The following SMYD2 variants were observed in gnomAD, a reference collection of about 807,000 sequenced individuals.
SMYD2 encodes N-lysine methyltransferase SMYD2.
A neutral mutation model predicts 59.1 loss-of-function variants in SMYD2; 53 were observed. The observed-to-expected ratio is 0.90, with a 90% CI of 0.72 to 1.13. The LOEUF (loss-of-function observed/expected upper bound fraction) is 1.13. SMYD2 is among the 50% of genes most tolerant of loss of function. SMYD2 has a pLI of 0.00. For synonymous variants in SMYD2, 208 were observed against 198.8 expected, an observed-to-expected ratio of 1.05 and a Z score of -0.39; for missense variants, 494 against 544.7, an observed-to-expected ratio of 0.91 and a Z score of 0.93.
intron 2 of SMYD2, among the ~76,000 whole-genome samples, chr1:214,307,799 G>A (rs569483640): frequency 6.6e-6 from 1 of 152,290 alleles, no homozygotes; most frequent in South Asian, 2.1e-4. Context: ...GTGCAATGAG[G>A]GGTGTCCTCC....
intron 1 of SMYD2, among the ~76,000 whole-genome samples, chr1:214,292,121 A>AGAGAGAGAGAGAGAGAGAGAGAGAGAGAG (rs1553254071): frequency 6.8e-6 from 1 of 146,616 alleles, no homozygotes; most frequent in African/African-American, 2.5e-5. Flanking sequence ...AGAGAGAGAG[A>AGAGAGAGAGAGAGAGAGAGAGAGAGAGAG]AGCCCACCTC....
intron 6 of SMYD2, among the ~76,000 whole-genome samples, chr1:214,325,340 C>T (rs1199133540): frequency 1.3e-5 from 2 of 152,242 alleles, no homozygotes; most frequent in Non-Finnish European, 2.9e-5. Flanking sequence ...TTGTCTGTCT[C>T]ATGGAGTGAG....
chr1:214,294,353 T>G (rs1656689172), intron 1 of SMYD2, among the ~76,000 whole-genome samples: 1 of 152,208 alleles, frequency 6.6e-6, no homozygotes, highest in African/African-American at 2.4e-5. Context: ...CTTAAAATTC[T>G]TCTGTAGGCA....
chr1:214,331,167 T>C (rs2102479203), intron 9 of SMYD2, 97 bp downstream of exon 9: 4 of 1,547,788 alleles, frequency 2.6e-6, no homozygotes, highest in Middle Eastern at 1.7e-4. Flanking sequence ...GGATTTAAGA[T>C]TCTGAAAACC....
At chr1:214,311,093 G>A (rs989817054) in intron 2 of SMYD2, among the ~76,000 whole-genome samples, 4 of 152,140 alleles carry the variant, frequency 2.6e-5, no homozygotes, top group African/African-American at 7.2e-5. Flanking sequence ...TGCTATGAGC[G>A]GGACTGTATT....
chr1:214,322,937 A>G (rs1657196120), intron 5 of SMYD2, among the ~76,000 whole-genome samples: 1 of 152,204 alleles, frequency 6.6e-6, no homozygotes, highest in Non-Finnish European at 1.5e-5. Flanking sequence ...TACAAAGCCC[A>G]TCTGTTGGCC....
chr1:214,283,224 G>A (rs1198878163), intron 1 of SMYD2, among the ~76,000 whole-genome samples: 2 of 152,198 alleles, frequency 1.3e-5, no homozygotes, highest in African/African-American at 4.8e-5. Flanking sequence ...ATGGTCAGAT[G>A]CAAGTTCACA....
chr1:214,332,239 G>C (rs1246828435), intron 10 of SMYD2, 47 bp downstream of exon 10: 1 of 1,600,510 alleles, frequency 6.2e-7, no homozygotes, highest in East Asian at 2.2e-5. Flanking sequence ...GAATTTGGTT[G>C]TTTAGAATGT....
At chr1:214,327,582 A>C in intron 6 of SMYD2, 40 bp from the exon 7 acceptor site, 10 of 1,502,756 alleles carry the variant, frequency 6.7e-6, no homozygotes, top group Non-Finnish European at 9.3e-6. Flanking sequence ...CAGTCTGCCT[A>C]TCTCATTTTA....
intron 1 of SMYD2, among the ~76,000 whole-genome samples, chr1:214,284,122 CTAA>C (rs1210395175): frequency 6.6e-6 from 1 of 151,966 alleles, no homozygotes; most frequent in Non-Finnish European, 1.5e-5. Flanking sequence ...AAGGCAGCTC[CTAA>C]TAATATTATA....
chr1:214,315,067 G>A (rs1342949867), intron 3 of SMYD2, among the ~76,000 whole-genome samples, 195 bp downstream of exon 3: 1 of 152,146 alleles, frequency 6.6e-6, no homozygotes, highest in Non-Finnish European at 1.5e-5. Flanking sequence ...TGTGCAATTA[G>A]GATGTTGCTT....
rs1046709986 is a variant in SMYD2, at chr1:214,324,662, A to G, written c.556A>G (p.Ile186Val). The change falls in exon 6 of 12, where the codon ATT (isoleucine) becomes GTT (valine). Residue 186 changes from isoleucine (I) to valine (V), a missense_variant. Ile to Val is a conservative substitution (Grantham distance 29, BLOSUM62 3). Transcript: ENST00000366957. ...GCAGGTTAACTGTAATGGCTTCACA[A>G]TTGAAGATGAAGAACTTTCTCATTT... ...FAQVNCNGFT[I>V]EDEELSHLGS... 5.0e-6 allele frequency: 8 copies of G among 1,613,346 alleles called. No individual in the cohort carries two copies. Among genetic ancestry groups the G allele is most frequent in the Non-Finnish European group, 6.8e-6 (8 of 1,179,736 alleles).
chr1:214,336,412 G>T (rs908891507), intron 11 of SMYD2, among the ~76,000 whole-genome samples: 1 of 152,102 alleles, frequency 6.6e-6, no homozygotes, highest in African/African-American at 2.4e-5. Context: ...GGCGCCTGTG[G>T]TCCCAGCTAC....
Position 214,281,271 on chromosome 1 carries a change from T to G in SMYD2, c.17T>G (p.Leu6Arg), listed in dbSNP as rs754583820. The G allele has an allele frequency of 2.3e-5, 29 of 1,281,930 alleles. No individual in the cohort carries two copies. The highest frequency in any genetic ancestry group is 3.1e-5 in the East Asian group (1 of 31,874). 79.4% of individuals were successfully genotyped at this position (1,281,930 alleles called of 1,614,324 possible). The change falls in exon 1 of 12, where the codon CTC becomes CGC. Residue 6 changes from leucine to arginine, a missense_variant. Transcript: ENST00000366957. The part of the protein sequence containing the change: MRAEG[L>R]GGLERFCSPG... The stretch of plus-strand genomic sequence containing the variant: ...GCCGCCACCATGAGGGCCGAGGGCC[T>G]CGGCGGCCTGGAGCGCTTCTGCAGC...
rs1376666063 is a variant in SMYD2, at chr1:214,281,516, C to T, written c.173+89C>T. ...GCGGCGCCAGGAAGTGCGTGCGGCT[C>T]GCGGGGTCCTAGCGCCGGCCCTTGG... On this transcript the variant is annotated intron_variant, in intron 1 of 11. Transcript: ENST00000366957. 3 of 1,130,850 alleles carry T rather than the reference C, an allele frequency of 2.7e-6. No individual in the cohort carries two copies. In the African/African-American group the frequency reaches 5.0e-5, roughly 19 times the overall value. 70.1% of individuals were successfully genotyped at this position (1,130,850 alleles called of 1,614,324 possible).
At chr1:214,294,229 G>C (rs555290187) in intron 1 of SMYD2, among the ~76,000 whole-genome samples, 33 of 152,208 alleles carry the variant, frequency 2.2e-4, no homozygotes, top group Non-Finnish European at 4.0e-4. Context: ...ATCAGTTTAA[G>C]TTTTCAAGGT....
At chr1:214,293,349 C>T (rs1042892938) in intron 1 of SMYD2, among the ~76,000 whole-genome samples, 7 of 152,042 alleles carry the variant, frequency 4.6e-5, no homozygotes, top group African/African-American at 9.7e-5. Flanking sequence ...CCACCGCACC[C>T]GGTCCAAAGC....
At chr1:214,300,298 C>G (rs1394970738) in intron 1 of SMYD2, among the ~76,000 whole-genome samples, 1 of 152,070 alleles carries the variant, frequency 6.6e-6, no homozygotes, top group African/African-American at 2.4e-5. Context: ...TTGGACTCTC[C>G]CAGGATCTGT....
Position 214,332,134 on chromosome 1 carries a change from T to C in SMYD2, c.1054T>C (p.Tyr352His). 1 of 1,614,150 alleles carries C rather than the reference T, an allele frequency of 6.2e-7. No individual in the cohort carries two copies. Among genetic ancestry groups the C allele is most frequent in the Non-Finnish European group, 8.5e-7 (1 of 1,180,036 alleles). ...GTACCAGGCCATGGGTGTCTGCTTG[T>C]ACATGCAGGACTGGGAAGGAGCCCT... ...MMYQAMGVCLYMQDWEGALQY... is the reference protein window; with the variant it reads ...MMYQAMGVCLHMQDWEGALQY... Residue 352 changes from tyrosine (Y) to histidine (H), a missense_variant, in exon 10 of 12, where the codon TAC becomes CAC. Tyr to His is a moderately conservative substitution (Grantham distance 83). Transcript: ENST00000366957.
Sources: allele counts gnomAD v4.1 joint callset (sites outside exome capture counted in the v4.1 genomes callset), GRCh38; gene constraint gnomAD v4.1.1; transcripts MANE v1.5; gene names NCBI Gene and HGNC (gene_info 2026-07-23, HGNC 2026-07-21).